The following SLC27A6 variants were observed in gnomAD, a reference collection of about 807,000 sequenced individuals.
SLC27A6 encodes long-chain fatty acid transport protein 6.
SLC27A6 carries 74 observed loss-of-function variants against 63.9 expected under a neutral mutation model. The observed-to-expected ratio is 1.16, with a 90% CI of 0.96 to 1.40. The LOEUF (loss-of-function observed/expected upper bound fraction) is 1.40. Ranked by LOEUF, SLC27A6 falls within the 40% of genes most tolerant of loss-of-function variation. The pLI, the probability that SLC27A6 is intolerant of heterozygous loss-of-function variation, is 0.00. For synonymous variants in SLC27A6, 287 were observed against 260.8 expected, an observed-to-expected ratio of 1.10 and a Z score of -0.97; for missense variants, 794 against 732.9, an observed-to-expected ratio of 1.08 and a Z score of -0.96.
chr5:129,014,726 C>T (rs1287553984), intron 4 of SLC27A6, among the ~76,000 whole-genome samples: 1 of 152,204 alleles, frequency 6.6e-6, no homozygotes, highest in Non-Finnish European at 1.5e-5. Flanking sequence ...TATACAACTG[C>T]TTCTGAAACA....
chr5:129,004,029 C>G (rs1751438975), intron 4 of SLC27A6, among the ~76,000 whole-genome samples: 1 of 149,052 alleles, frequency 6.7e-6, no homozygotes, highest in Non-Finnish European at 1.5e-5. Context: ...TGTGAGCTTT[C>G]TGAGAACTCA....
At chr5:128,967,812 G>A (rs1450322158) in intron 1 of SLC27A6, among the ~76,000 whole-genome samples, 1 of 152,046 alleles carries the variant, frequency 6.6e-6, no homozygotes, top group African/African-American at 2.4e-5. Flanking sequence ...TGCACAAAGT[G>A]CAGGTTTGTT....
chr5:129,023,676 A>G lies in SLC27A6; in HGVS notation c.1221A>G (p.Arg407=), dbSNP rs768005524. The change falls in exon 6 of 10, where the codon AGA becomes AGG. Residue 407 remains arginine (R), a synonymous_variant. Coordinates refer to ENST00000262462, the MANE Select transcript of SLC27A6 (RefSeq NM_001017372.3). ...KYDFQKDEPM[R]NEQGWCIHVK... ...ACTTTCAGAAAGATGAACCCATGAG[A>G]AATGAGCAGGGTTGGTGTATTCATG... 5.0e-6 allele frequency: 8 copies of G among 1,610,580 alleles called. No individual in the cohort carries two copies. Among genetic ancestry groups the G allele is most frequent in the Admixed American group, 3.4e-5 (2 of 59,388 alleles).
chr5:129,027,823 A>G (rs193168427), intron 7 of SLC27A6, among the ~76,000 whole-genome samples: 1 of 152,236 alleles, frequency 6.6e-6, no homozygotes, highest in African/African-American at 2.4e-5. Flanking sequence ...GTACCATGTT[A>G]TAAGCTCACT....
chr5:128,999,103 A>G (rs1047734109), intron 4 of SLC27A6, among the ~76,000 whole-genome samples: 2 of 152,160 alleles, frequency 1.3e-5, no homozygotes, highest in Non-Finnish European at 2.9e-5. Context: ...TTTCATCTAT[A>G]TAATGAATGT....
rs567639075 is a variant in SLC27A6 at position 129,010,097 on chromosome 5, A to G, written c.970-5788A>G. 3.3e-5 allele frequency among the ~76,000 whole-genome samples: 5 copies of G among 152,284 alleles called. 1 individual carries two copies. The East Asian group carries it at 7.7e-4, about 23-fold the overall frequency. ...CACTGTCCTCCCAAATGTGAACAAG[A>G]TTCTGATTTCTCCCAGTATAAATTA... On this transcript the variant is annotated intron_variant, in intron 4 of 9. Transcript: ENST00000262462.
chr5:128,984,256 T>G (rs1750709110), intron 1 of SLC27A6, among the ~76,000 whole-genome samples: 1 of 152,206 alleles, frequency 6.6e-6, no homozygotes, highest in African/African-American at 2.4e-5. Context: ...ATGATGACAT[T>G]GTTTCTTTTG....
chr5:128,968,732 C>T (rs78479530), intron 1 of SLC27A6, among the ~76,000 whole-genome samples: 2,009 of 151,698 alleles, frequency 0.013, 16 homozygotes, highest in Non-Finnish European at 0.021. Flanking sequence ...ACTCTGATGG[C>T]AGTTTCTTTT....
intron 1 of SLC27A6, among the ~76,000 whole-genome samples, chr5:128,968,637 A>G (rs1484125589): frequency 6.6e-6 from 1 of 151,912 alleles, no homozygotes; most frequent in Non-Finnish European, 1.5e-5. Context: ...AAATTTCTTT[A>G]AGTTCTTTGT....
intron 4 of SLC27A6, among the ~76,000 whole-genome samples, chr5:129,008,649 G>T (rs1228137185): frequency 6.6e-6 from 1 of 152,168 alleles, no homozygotes; most frequent in Non-Finnish European, 1.5e-5. Context: ...GGCAAAATCT[G>T]CCATGCCCAT....
chr5:128,991,687 T>C (rs914352128), intron 4 of SLC27A6, among the ~76,000 whole-genome samples: 8 of 152,062 alleles, frequency 5.3e-5, no homozygotes, highest in African/African-American at 1.7e-4. Context: ...GAATAAGTGA[T>C]TATATTAGGA....
intron 4 of SLC27A6, among the ~76,000 whole-genome samples, chr5:129,006,316 T>G (rs1331883696): frequency 6.6e-6 from 1 of 151,934 alleles, no homozygotes; most frequent in Non-Finnish European, 1.5e-5. Context: ...GGTCTCGATC[T>G]CCTGACCTCG....
intron 4 of SLC27A6, among the ~76,000 whole-genome samples, chr5:129,006,069 CTGTTTTTT>C (rs1561624842): frequency 1.5e-5 from 1 of 64,854 alleles, no homozygotes; most frequent in Non-Finnish European, 2.6e-5. Context: ...CCTGTGCACA[CTGTTTTTT>C]TTTTTTTTTT....
At chr5:129,030,953 G>C (rs564488251) in intron 9 of SLC27A6, among the ~76,000 whole-genome samples, 65 of 151,992 alleles carry the variant, frequency 4.3e-4, no homozygotes, top group African/African-American at 1.5e-3. Context: ...ACCATAGCGA[G>C]CTCCCTCTTG....
At chr5:128,974,996 T>A (rs1320989995) in intron 1 of SLC27A6, among the ~76,000 whole-genome samples, 1 of 152,176 alleles carries the variant, frequency 6.6e-6, no homozygotes, top group Non-Finnish European at 1.5e-5. Context: ...ACAACCTTAT[T>A]TGATGTTAGC....
intron 4 of SLC27A6, among the ~76,000 whole-genome samples, chr5:128,999,162 A>G (rs1193162358): frequency 6.6e-6 from 1 of 152,176 alleles, no homozygotes; most frequent in African/African-American, 2.4e-5. Flanking sequence ...AGTTAACTCA[A>G]GTAGAAACAG....
At chr5:128,999,796 C>T (rs1013290691) in intron 4 of SLC27A6, among the ~76,000 whole-genome samples, 6 of 152,102 alleles carry the variant, frequency 3.9e-5, no homozygotes, top group Non-Finnish European at 8.8e-5. Flanking sequence ...CCTCAAGCTC[C>T]ACTAATGTCT....
At chr5:128,973,224 G>T (rs1248078263) in intron 1 of SLC27A6, among the ~76,000 whole-genome samples, 1 of 152,188 alleles carries the variant, frequency 6.6e-6, no homozygotes, top group Non-Finnish European at 1.5e-5. Flanking sequence ...CTACTCGTGG[G>T]TCAGGGACCC....
intron 2 of SLC27A6, among the ~76,000 whole-genome samples, chr5:128,986,518 A>G (rs1750792492): frequency 6.6e-6 from 1 of 152,208 alleles, no homozygotes; most frequent in Non-Finnish European, 1.5e-5. Context: ...TTTTTCTTAC[A>G]TTTTAAAAAT....
Sources: gnomAD v4.1 joint callset for allele counts (sites outside exome capture counted in the v4.1 genomes callset) on GRCh38, gnomAD v4.1.1 for gene constraint, MANE v1.5 for transcripts, NCBI Gene and HGNC (gene_info 2026-07-23, HGNC 2026-07-21) for gene names.